Variants in PCDHAC1 observed in about 807,000 individuals in gnomAD.
PCDHAC1 encodes the protein protocadherin alpha subfamily C, 1.
PCDHAC1 carries 42 observed loss-of-function variants against 60.0 expected under a neutral mutation model. That is an observed-to-expected ratio of 0.70 (90% CI 0.55 to 0.90). PCDHAC1 has a LOEUF of 0.90. Among genes scored for constraint, PCDHAC1 ranks in the 40% least tolerant of loss-of-function variants. PCDHAC1 has a pLI of 0.00. For missense variants in PCDHAC1, 1,160 were observed against 1,222.3 expected (o/e 0.95, Z 0.76); for synonymous variants, 468 against 499.3 (o/e 0.94, Z 0.84).
At chr5:140,998,779 G>T (rs782154283) in intron 3 of PCDHAC1, among the ~76,000 whole-genome samples, 3 of 152,140 alleles carry the variant, frequency 2.0e-5, no homozygotes, top group Non-Finnish European at 4.4e-5. Context: ...GGTCAGGCTG[G>T]TCTGGAACCC....
Position 140,927,351 on chromosome 5 carries a change from G to A in PCDHAC1, c.459G>A (p.Glu153=), listed in dbSNP as rs782202644. Residue 153 remains glutamate (E), a synonymous_variant, in exon 1 of 4, where the codon GAG becomes GAA. Transcript: ENST00000253807. The stretch of plus-strand genomic sequence containing the variant: ...TCCCGAATGCCCAAGATGACGACGA[G>A]GGAAGCAATGGGATACTAAGCTACA... ...FTLPNAQDDD[E]GSNGILSYSL... is the part of the protein sequence containing the mutation. 23 of 1,614,054 alleles carry A rather than the reference G, an allele frequency of 1.4e-5. No individual in the cohort carries two copies. The highest frequency in any genetic ancestry group is 1.9e-5 in the Non-Finnish European group (23 of 1,179,886).
intron 1 of PCDHAC1, among the ~76,000 whole-genome samples, chr5:140,942,619 T>TA (rs35075175): frequency 5.6e-4 from 83 of 148,996 alleles, no homozygotes; most frequent in Non-Finnish European, 6.7e-4. Flanking sequence ...TTGCCAATTG[T>TA]AAAAAAAAAA....
chr5:140,939,501 G>A (rs1270789150), intron 1 of PCDHAC1, among the ~76,000 whole-genome samples: 1 of 150,708 alleles, frequency 6.6e-6, no homozygotes. Context: ...TAAATTCAAT[G>A]TCTATAACAT....
At chr5:140,997,472 C>CACA (rs1386540010) in intron 3 of PCDHAC1, among the ~76,000 whole-genome samples, 12 of 152,120 alleles carry the variant, frequency 7.9e-5, no homozygotes, top group Non-Finnish European at 1.8e-4. Context: ...GCAATTTTTA[C>CACA]ACAATGATAA....
chr5:140,982,475 C>T lies in PCDHAC1; in HGVS notation c.2493C>T (p.Ser831=). The change falls in exon 3 of 4, where the codon AGC becomes AGT. Residue 831 remains serine, a splice_region_variant and synonymous_variant. Coordinates refer to ENST00000253807, the MANE Select transcript of PCDHAC1 (RefSeq NM_018898.5). ...TATCTGGGTCTGTGTGTTTATTCAG[C>T]TCTGTGCACCTAGAGGAGGCTGGCA... The part of the protein sequence containing the change: ...YSASLRAGMH[S]SVHLEEAGIL... 1 of 1,614,154 alleles carries T rather than the reference C, an allele frequency of 6.2e-7. No homozygotes were observed. Among genetic ancestry groups the T allele is most frequent in the African/African-American group, 1.3e-5 (1 of 75,040 alleles).
intron 3 of PCDHAC1, among the ~76,000 whole-genome samples, chr5:140,989,362 G>A (rs1264795948): frequency 6.6e-6 from 1 of 152,176 alleles, no homozygotes; most frequent in African/African-American, 2.4e-5. Context: ...GGTCACCTGT[G>A]TGACTGAGAG....
At chr5:140,937,328 C>T (rs191377007) in intron 1 of PCDHAC1, among the ~76,000 whole-genome samples, 9 of 152,066 alleles carry the variant, frequency 5.9e-5, no homozygotes, top group Admixed American at 5.2e-4. Context: ...TGAGCCACCG[C>T]GCCCGGCTTC....
chr5:140,938,807 A>G (rs1253557528), intron 1 of PCDHAC1, among the ~76,000 whole-genome samples: 1 of 152,020 alleles, frequency 6.6e-6, no homozygotes, highest in Non-Finnish European at 1.5e-5. Context: ...GGTACCACAA[A>G]CCCCTGTGAC....
At chr5:140,957,398 T>A (rs1162675184) in intron 1 of PCDHAC1, among the ~76,000 whole-genome samples, 1 of 152,186 alleles carries the variant, frequency 6.6e-6, no homozygotes, top group Non-Finnish European at 1.5e-5. Flanking sequence ...ATTGTCCTAA[T>A]TTATTATTAT....
intron 1 of PCDHAC1, among the ~76,000 whole-genome samples, chr5:140,942,273 G>C (rs1360564646): frequency 6.6e-6 from 1 of 152,132 alleles, no homozygotes; most frequent in South Asian, 2.1e-4. Context: ...AGCTGGTAAT[G>C]GTGGCTCATG....
At chr5:140,956,717 A>C (rs2153710827) in intron 1 of PCDHAC1, among the ~76,000 whole-genome samples, 1 of 152,308 alleles carries the variant, frequency 6.6e-6, no homozygotes. Flanking sequence ...CTTCAGAAGA[A>C]TTGGTACCAG....
At chr5:140,989,321 C>A (rs898791820) in intron 3 of PCDHAC1, among the ~76,000 whole-genome samples, 6 of 152,178 alleles carry the variant, frequency 3.9e-5, no homozygotes, top group Non-Finnish European at 7.3e-5. Flanking sequence ...GTCTCACCAA[C>A]TTTGCCACCT....
In PCDHAC1 at chr5:140,961,136, G is replaced by A. The variant is rs1474839905; in HGVS notation, c.2434-17813G>A. On this transcript the variant is annotated intron_variant, in intron 1 of 3. Coordinates refer to ENST00000253807, the MANE Select transcript of PCDHAC1 (RefSeq NM_018898.5). ...TGCATCTTAATGTCTTGGCACTTAA[G>A]AGTTGGCATATTATTTCAGTACATA... is the stretch of plus-strand genomic sequence containing the variant. Among the ~76,000 whole-genome samples the A allele has an allele frequency of 3.9e-5, 6 of 152,270 alleles. No homozygotes were observed. The East Asian group carries it at 1.2e-3, about 29-fold the overall frequency.
Position 141,011,060 on chromosome 5 carries a change from A to G in PCDHAC1, c.*1123A>G, listed in dbSNP as rs1588257572. On this transcript the variant is annotated 3_prime_UTR_variant, in exon 4 of 4. Coordinates refer to ENST00000253807, the MANE Select transcript of PCDHAC1 (RefSeq NM_018898.5). ...AGGTCACTCTGGGGCTGCCTCTTGC[A>G]TGTATTACTAAATAAAATGATCTCT... is the stretch of plus-strand genomic sequence containing the variant. 1.3e-5 allele frequency: 2 copies of G among 153,758 alleles called. No individual in the cohort carries two copies. Among genetic ancestry groups the G allele is most frequent in the Non-Finnish European group, 2.9e-5 (2 of 68,046 alleles). The allele number at this position is 153,758 out of a possible 1,614,324, so 9.5% of individuals were successfully genotyped here. A position where few individuals can be genotyped will look rare whatever the true frequency, so the allele number is the denominator to read the frequency against.
At position 140,928,392 on chromosome 5, in the gene PCDHAC1, G is replaced by T. The variant is rs17844366; in HGVS notation, c.1500G>T (p.Val500=). 6.2e-7 allele frequency: 1 copy of T among 1,614,052 alleles called. No individual in the cohort carries two copies. Among genetic ancestry groups the T allele is most frequent in the Admixed American group, 1.7e-5 (1 of 60,018 alleles). Reference sequence around the variant, plus strand: ...CATCAGCCTCTAGCTTGCTGGCAGTGGAATCATCCAGTGGGGCCATCACTG... The same window carrying T: ...CATCAGCCTCTAGCTTGCTGGCAGTTGAATCATCCAGTGGGGCCATCACTG... ...EGPSASSLLA[V]ESSSGAITAK... is the part of the protein sequence containing the mutation. The change falls in exon 1 of 4, where the codon GTG becomes GTT. Residue 500 remains valine (V), a synonymous_variant. Transcript: ENST00000253807.
intron 1 of PCDHAC1, among the ~76,000 whole-genome samples, chr5:140,971,892 G>C (rs2096504766): frequency 6.6e-6 from 1 of 151,694 alleles, no homozygotes; most frequent in African/African-American, 2.4e-5. Context: ...AGCTCAGGGA[G>C]GTTAGGTAAT....
intron 3 of PCDHAC1, among the ~76,000 whole-genome samples, chr5:140,991,033 T>C (rs2097428117): frequency 6.6e-6 from 1 of 152,212 alleles, no homozygotes; most frequent in African/African-American, 2.4e-5. Context: ...ATATGTTGCA[T>C]ACTTAACTTT....
In PCDHAC1 at chr5:140,926,664, C is replaced by T. The variant is rs2083450429; in HGVS notation, c.-229C>T. ...ACCCGGCCGGCTCCGCTTTCCCAGA[C>T]GGCTGCCCAGCCTCCAGCCTAGCAA... On this transcript the variant is annotated 5_prime_UTR_variant, in exon 1 of 4. The change creates a new upstream start codon in the 5' untranslated region. Coordinates refer to ENST00000253807, the MANE Select transcript of PCDHAC1 (RefSeq NM_018898.5). 1 of 546,968 alleles carries T rather than the reference C, an allele frequency of 1.8e-6. No homozygotes were observed. Among genetic ancestry groups the T allele is most frequent in the East Asian group, 3.5e-5 (1 of 28,878 alleles). 33.9% of individuals were successfully genotyped at this position (546,968 alleles called of 1,614,324 possible).
At chr5:140,968,715 A>T (rs2096265469) in intron 1 of PCDHAC1, 1 of 1,614,014 alleles carries the variant, frequency 6.2e-7, no homozygotes, top group South Asian at 1.1e-5. Flanking sequence ...AAGATGGGAG[A>T]TGAGAGTGGT....
Sources: allele counts gnomAD v4.1 joint callset (sites outside exome capture counted in the v4.1 genomes callset), GRCh38; gene constraint gnomAD v4.1.1; transcripts MANE v1.5; gene names NCBI Gene and HGNC (gene_info 2026-07-23, HGNC 2026-07-21).